The following DLGAP2 variants were observed in gnomAD, a reference collection of about 807,000 sequenced individuals.
The protein encoded by DLGAP2 is DLG associated protein 2, also known as disks large-associated protein 2.
In DLGAP2, 26 loss-of-function variants were observed where a neutral mutation model predicts 100.3. That is an observed-to-expected ratio of 0.26 (90% CI 0.19 to 0.36). The LOEUF is 0.36. Among genes scored for constraint, DLGAP2 ranks in the 10% least tolerant of loss-of-function variants. The pLI is 1.00. For synonymous variants in DLGAP2, 886 were observed against 630.1 expected, an observed-to-expected ratio of 1.41 and a Z score of -6.08; for missense variants, 1,858 against 1,453.2, an observed-to-expected ratio of 1.28 and a Z score of -4.53.
chr8:1,165,464 G>C (rs993984871), intron 2 of DLGAP2, among the ~76,000 whole-genome samples: 2 of 152,174 alleles, frequency 1.3e-5, no homozygotes, highest in African/African-American at 4.8e-5. Context: ...CTGTGCATTT[G>C]TTTTTGGTGC....
chr8:1,470,437 A>G (rs1798748402), intron 3 of DLGAP2, among the ~76,000 whole-genome samples: 3 of 152,094 alleles, frequency 2.0e-5, no homozygotes, highest in Admixed American at 1.3e-4. Flanking sequence ...GCTGATAGAT[A>G]TGTTTAATAT....
At chr8:1,655,094 A>C (rs1349701387) in intron 8 of DLGAP2, among the ~76,000 whole-genome samples, 1 of 152,218 alleles carries the variant, frequency 6.6e-6, no homozygotes, top group Non-Finnish European at 1.5e-5. Flanking sequence ...ACACATTCAA[A>C]ATAGACATCT....
chr8:839,140 T>A (rs924142944), intron 1 of DLGAP2, among the ~76,000 whole-genome samples: 12 of 152,106 alleles, frequency 7.9e-5, no homozygotes, highest in African/African-American at 2.9e-4. Flanking sequence ...TTGGTGGGAA[T>A]GTAAATTAGA....
chr8:1,007,797 T>G (rs1222738099), intron 2 of DLGAP2, among the ~76,000 whole-genome samples: 1 of 152,226 alleles, frequency 6.6e-6, no homozygotes, highest in African/African-American at 2.4e-5. Context: ...TTCATTCTGA[T>G]TTTAAGGACA....
At chr8:1,669,148 T>G (rs772553507) in intron 9 of DLGAP2, among the ~76,000 whole-genome samples, 1 of 152,186 alleles carries the variant, frequency 6.6e-6, no homozygotes, top group African/African-American at 2.4e-5. Context: ...CATGCTCTCC[T>G]CTCTACAGAA....
intron 2 of DLGAP2, among the ~76,000 whole-genome samples, chr8:981,910 A>C (rs1347138114): frequency 6.6e-6 from 1 of 152,258 alleles, no homozygotes; most frequent in Non-Finnish European, 1.5e-5. Context: ...ATGGGAATCC[A>C]GTGCATCTCC....
chr8:1,701,145 C>G lies in DLGAP2; in HGVS notation c.2950-43C>G, dbSNP rs763258190. 6 of 1,533,308 alleles carry G rather than the reference C, an allele frequency of 3.9e-6. No homozygotes were observed. The African/African-American group carries it at 4.2e-5, about 11-fold the overall frequency. 95.0% of individuals were successfully genotyped at this position (1,533,308 alleles called of 1,614,324 possible). Reference sequence around the variant, plus strand: ...GCTGAGCTCGCGAGCTGCTGGGACCCTCCTCCGAGCACCTGCCAACGGTGA... The same window carrying G: ...GCTGAGCTCGCGAGCTGCTGGGACCGTCCTCCGAGCACCTGCCAACGGTGA... On this transcript the variant is annotated intron_variant, in intron 14 of 14. Coordinates refer to ENST00000637795, the MANE Select transcript of DLGAP2 (RefSeq NM_001346810.2).
intron 2 of DLGAP2, among the ~76,000 whole-genome samples, chr8:1,085,556 C>G (rs1274953156): frequency 6.6e-6 from 1 of 152,138 alleles, no homozygotes; most frequent in African/African-American, 2.4e-5. Flanking sequence ...ATTCTCAGCG[C>G]CTTTATTGAA....
intron 1 of DLGAP2, among the ~76,000 whole-genome samples, chr8:788,565 A>G (rs1379301012): frequency 1.3e-5 from 2 of 152,228 alleles, no homozygotes; most frequent in Non-Finnish European, 2.9e-5. Flanking sequence ...CCATTTACAA[A>G]TAACCTACAC....
rs966332028 is a variant in DLGAP2 at position 1,447,480 on chromosome 8, C to T, written c.107-53886C>T. The stretch of plus-strand genomic sequence containing the variant: ...AAGCTTTTTGATGTGCTGCTGGATT[C>T]GGTTTGCCAGTATTTTATTGAGGAT... On this transcript the variant is annotated intron_variant, in intron 3 of 14. Coordinates refer to ENST00000637795, the MANE Select transcript of DLGAP2 (RefSeq NM_001346810.2). Among the ~76,000 whole-genome samples the T allele has an allele frequency of 7.2e-5, 11 of 152,244 alleles. No homozygotes were observed. The East Asian group carries it at 9.6e-4, about 13-fold the overall frequency.
At chr8:954,442 A>G (rs555553094) in intron 2 of DLGAP2, among the ~76,000 whole-genome samples, 98 of 152,358 alleles carry the variant, frequency 6.4e-4, no homozygotes, top group African/African-American at 2.3e-3. Flanking sequence ...TATCTGTAAT[A>G]CTAAAATTTG....
chr8:1,088,341 G>A (rs1401578466), intron 2 of DLGAP2, among the ~76,000 whole-genome samples: 3 of 151,932 alleles, frequency 2.0e-5, no homozygotes, highest in Non-Finnish European at 4.4e-5. Context: ...CCAAGGGCCT[G>A]GTGGGGACTG....
rs556901675 is a variant in DLGAP2, at chr8:1,104,502, G to A, written c.74-154349G>A. ...TAGGGGTGGGCGTGTAAAACCACGA[G>A]CATCTTCAGAGGGACTTGAACTCTT... On this transcript the variant is annotated intron_variant, in intron 2 of 14. Coordinates refer to ENST00000637795, the MANE Select transcript of DLGAP2 (RefSeq NM_001346810.2). Among the ~76,000 whole-genome samples the A allele has an allele frequency of 3.9e-5, 6 of 152,336 alleles. No individual in the cohort carries two copies. The South Asian group carries it at 6.2e-4, about 16-fold the overall frequency.
chr8:1,121,714 C>T (rs551455698), intron 2 of DLGAP2, among the ~76,000 whole-genome samples: 1 of 85,242 alleles, frequency 1.2e-5, no homozygotes, highest in South Asian at 3.3e-4. Context: ...GACCACCCAT[C>T]CTTGTCCCTT....
intron 12 of DLGAP2, among the ~76,000 whole-genome samples, chr8:1,690,071 G>A (rs574552349): frequency 6.6e-6 from 1 of 152,320 alleles, no homozygotes. Flanking sequence ...AAGAGAGGGT[G>A]TGGGGCCGGG....
intron 3 of DLGAP2, among the ~76,000 whole-genome samples, chr8:1,269,169 G>C (rs12547164): frequency 1.1e-4 from 16 of 152,298 alleles, no homozygotes; most frequent in South Asian, 4.2e-4. Flanking sequence ...GGCCATGTTC[G>C]TTGCTGCTTC....
At chr8:1,090,184 C>T (rs1294823281) in intron 2 of DLGAP2, among the ~76,000 whole-genome samples, 3 of 139,314 alleles carry the variant, frequency 2.2e-5, no homozygotes, top group East Asian at 2.2e-4. Context: ...ACTCATACCC[C>T]GAGGACCTGC....
At chr8:1,337,227 T>C (rs1409914571) in intron 3 of DLGAP2, among the ~76,000 whole-genome samples, 1 of 150,768 alleles carries the variant, frequency 6.6e-6, no homozygotes, top group East Asian at 2.0e-4. Context: ...ATGAGGATGA[T>C]GGTGGTGGTG....
intron 12 of DLGAP2, among the ~76,000 whole-genome samples, chr8:1,679,595 G>A (rs190467143): frequency 2.0e-5 from 3 of 152,332 alleles, no homozygotes; most frequent in Non-Finnish European, 2.9e-5. Context: ...TCCCAGTCCC[G>A]TTGGTACTCA....
Sources: allele counts gnomAD v4.1 joint callset (sites outside exome capture counted in the v4.1 genomes callset), GRCh38; gene constraint gnomAD v4.1.1; transcripts MANE v1.5; gene names NCBI Gene and HGNC (gene_info 2026-07-23, HGNC 2026-07-21).